SF3B3: variants seen among roughly 807,000 people sequenced by gnomAD.
SF3B3 encodes the protein splicing factor 3b subunit 3, also known as SAP 130.
In SF3B3, 33 loss-of-function variants were observed where a neutral mutation model predicts 139.2. That is an observed-to-expected ratio of 0.24 (90% CI 0.18 to 0.32). The LOEUF is 0.32. Ranked by LOEUF, SF3B3 falls within the 10% of genes least tolerant of loss-of-function variation. SF3B3 has a pLI of 1.00. For synonymous variants in SF3B3, 596 were observed against 563.6 expected, an observed-to-expected ratio of 1.06 and a Z score of -0.81; for missense variants, 818 against 1,509.4, an observed-to-expected ratio of 0.54 and a Z score of 7.59.
In SF3B3 at chr16:70,577,259, G is replaced by A. The variant is rs1164136598; in HGVS notation, c.*5446G>A. ...CCCTGGGAGATCTGGGGGACCTGCT[G>A]TCCTATATGTGATGCTTTGAAAGAA... On this transcript the variant is annotated 3_prime_UTR_variant, in exon 26 of 26. Transcript: ENST00000302516. The A allele has an allele frequency of 6.6e-6, 1 of 152,372 alleles. No individual in the cohort carries two copies. Among genetic ancestry groups the A allele is most frequent in the Non-Finnish European group, 1.5e-5 (1 of 68,168 alleles). The allele number at this position is 152,372 out of a possible 1,614,324, so 9.4% of individuals were successfully genotyped here.
chr16:70,564,116 T>C, intron 18 of SF3B3, 66 bp downstream of exon 18: 1 of 1,461,858 alleles, frequency 6.8e-7, no homozygotes, highest in Non-Finnish European at 9.4e-7. Context: ...AAGTTTAAAC[T>C]GCCCGGCACT....
intron 15 of SF3B3, 46 bp downstream of exon 15, chr16:70,557,075 C>A: frequency 6.5e-7 from 1 of 1,532,750 alleles, no homozygotes; most frequent in Non-Finnish European, 8.8e-7. Flanking sequence ...GCCTTCTGTA[C>A]GTTTCACACA....
intron 3 of SF3B3, among the ~76,000 whole-genome samples, chr16:70,530,186 G>T (rs2050107842): frequency 6.6e-6 from 1 of 151,402 alleles, no homozygotes; most frequent in African/African-American, 2.4e-5. Flanking sequence ...GAGAGATGGG[G>T]ATCTCACAAT....
At position 70,574,132 on chromosome 16, in the gene SF3B3, G is replaced by C. The variant is rs918100369; in HGVS notation, c.*2319G>C. 2.0e-5 allele frequency: 3 copies of C among 152,170 alleles called. No homozygotes were observed. The highest frequency in any genetic ancestry group is 4.4e-5 in the Non-Finnish European group (3 of 68,036). 9.4% of individuals were successfully genotyped at this position (152,170 alleles called of 1,614,324 possible). A position where few individuals can be genotyped will look rare whatever the true frequency, so the allele number is the denominator to read the frequency against. On this transcript the variant is annotated 3_prime_UTR_variant, in exon 26 of 26. Coordinates refer to ENST00000302516, the MANE Select transcript of SF3B3 (RefSeq NM_012426.5). ...GAAAGCCAGAAAGGCATTCAGATGGGATCAGTCTGGCTTTCAAATTTTTTT... is the reference window on the plus strand; with the variant it reads ...GAAAGCCAGAAAGGCATTCAGATGGCATCAGTCTGGCTTTCAAATTTTTTT...
chr16:70,553,728 G>C (rs1424562018), intron 11 of SF3B3, among the ~76,000 whole-genome samples: 1 of 152,176 alleles, frequency 6.6e-6, no homozygotes, highest in African/African-American at 2.4e-5. Flanking sequence ...CAAGTCCTCT[G>C]ACTTCCTTGA....
rs776425014 is a variant in SF3B3, at chr16:70,577,521, G to A, written c.*5708G>A. On this transcript the variant is annotated 3_prime_UTR_variant, in exon 26 of 26. Coordinates refer to ENST00000302516, the MANE Select transcript of SF3B3 (RefSeq NM_012426.5). ...TGGGGACGGGTGAGGAGTTAGCCTG[G>A]AACATTCCAGCGTGGGCATTATTGT... 5 of 152,206 alleles carry A rather than the reference G, an allele frequency of 3.3e-5. No individual in the cohort carries two copies. The highest frequency in any genetic ancestry group is 5.9e-5 in the Non-Finnish European group (4 of 68,080). 9.4% of individuals were successfully genotyped at this position (152,206 alleles called of 1,614,324 possible).
intron 3 of SF3B3, 42 bp from the exon 4 acceptor site, chr16:70,530,703 A>G (rs762581424): frequency 1.6e-5 from 24 of 1,530,866 alleles, no homozygotes; most frequent in Middle Eastern, 1.7e-4. Context: ...CTCTCTTCTC[A>G]TTATCTGGGA....
rs1188092240 is a variant in SF3B3 at position 70,558,201 on chromosome 16, A to G, written c.2010+1172A>G. Among the ~76,000 whole-genome samples the G allele has an allele frequency of 5.3e-5, 8 of 152,168 alleles. No homozygotes were observed. In the East Asian group the frequency reaches 1.2e-3, roughly 22 times the overall value. ...AGAATTAGACCATGCCATCCATTAG[A>G]AATGTAAGGTGAACTACAGGTGTAA... On this transcript the variant is annotated intron_variant, in intron 15 of 25. Coordinates refer to ENST00000302516, the MANE Select transcript of SF3B3 (RefSeq NM_012426.5).
chr16:70,536,884 C>T (rs1453172003), intron 6 of SF3B3, among the ~76,000 whole-genome samples: 2 of 148,538 alleles, frequency 1.3e-5, no homozygotes, highest in African/African-American at 5.0e-5. Flanking sequence ...AATCTTGGCT[C>T]ACTGCATCCT....
Position 70,541,690 on chromosome 16 carries a change from T to C in SF3B3, c.1089T>C (p.His363=). ...CCAGTTACTTATATCAAATTGCACA[T>C]CTTGGAGATGATGATGAAGAACCTG... is the stretch of plus-strand genomic sequence containing the variant. The part of the protein sequence containing the change: ...FGNHYLYQIA[H]LGDDDEEPEF... The change falls in exon 9 of 26, where the codon CAT becomes CAC. Residue 363 remains histidine, a synonymous_variant. Transcript: ENST00000302516. The C allele has an allele frequency of 6.2e-7, 1 of 1,614,068 alleles. No homozygotes were observed. Among genetic ancestry groups the C allele is most frequent in the Non-Finnish European group, 8.5e-7 (1 of 1,179,976 alleles).
intron 9 of SF3B3, among the ~76,000 whole-genome samples, chr16:70,542,884 G>A (rs908294850): frequency 4.0e-5 from 6 of 151,608 alleles, no homozygotes; most frequent in African/African-American, 1.5e-4. Flanking sequence ...ACCATGCCCA[G>A]CTAATTTTTT....
chr16:70,569,062 C>T lies in SF3B3; in HGVS notation c.3185C>T (p.Thr1062Ile), dbSNP rs2050504400. 1 of 1,610,790 alleles carries T rather than the reference C, an allele frequency of 6.2e-7. No homozygotes were observed. Among genetic ancestry groups the T allele is most frequent in the South Asian group, 1.1e-5 (1 of 90,316 alleles). Residue 1062 changes from threonine (T) to isoleucine (I), a missense_variant, in exon 23 of 26, where the codon ACC becomes ATC. This residue lies in a region of SF3B3 where 91 missense variants were observed against 171.8 expected (regional missense o/e 0.53). Coordinates refer to ENST00000302516, the MANE Select transcript of SF3B3 (RefSeq NM_012426.5). ...TTGTAGGTGAGGCTCCCACCTAACA[C>T]CAATGATGAAGTAGATGAGGATCCT... ...NICVVRLPPN[T>I]NDEVDEDPTG... is the part of the protein sequence containing the mutation.
At chr16:70,529,231 C>T (rs1299570899) in intron 3 of SF3B3, 32 bp downstream of exon 3, 2 of 1,552,430 alleles carry the variant, frequency 1.3e-6, no homozygotes, top group Non-Finnish European at 1.8e-6. Context: ...CTGTATATGC[C>T]TAGTTTAGGA....
chr16:70,574,810 A>G lies in SF3B3; in HGVS notation c.*2997A>G, dbSNP rs1237848558. 6.6e-6 allele frequency: 1 copy of G among 152,156 alleles called. No individual in the cohort carries two copies. The highest frequency in any genetic ancestry group is 1.5e-5 in the Non-Finnish European group (1 of 68,014). 9.4% of individuals were successfully genotyped at this position (152,156 alleles called of 1,614,324 possible). Reference sequence around the variant, plus strand: ...GCCCAGCCTCTAAATTCTGTTTTCTATTCAAAGTAAAAATGACATGTGTTT... The same window carrying G: ...GCCCAGCCTCTAAATTCTGTTTTCTGTTCAAAGTAAAAATGACATGTGTTT... On this transcript the variant is annotated 3_prime_UTR_variant, in exon 26 of 26. Transcript: ENST00000302516.
At chr16:70,569,448 A>G (rs989946273) in intron 23 of SF3B3, among the ~76,000 whole-genome samples, 1 of 152,204 alleles carries the variant, frequency 6.6e-6, no homozygotes, top group Non-Finnish European at 1.5e-5. Flanking sequence ...AGACAAGCCT[A>G]GTGATTGCTG....
chr16:70,544,003 G>T (rs2050245447), intron 9 of SF3B3, among the ~76,000 whole-genome samples: 1 of 152,014 alleles, frequency 6.6e-6, no homozygotes, highest in African/African-American at 2.4e-5. Flanking sequence ...ATAGACACAA[G>T]CCACCATACC....
chr16:70,549,193 G>A (rs538849311), intron 11 of SF3B3, among the ~76,000 whole-genome samples: 2 of 152,282 alleles, frequency 1.3e-5, no homozygotes, highest in African/African-American at 4.8e-5. Flanking sequence ...CATCATCCTT[G>A]CTAGCAGACA....
chr16:70,527,266 G>A (rs953294074), intron 2 of SF3B3, among the ~76,000 whole-genome samples: 1 of 152,186 alleles, frequency 6.6e-6, no homozygotes, highest in African/African-American at 2.4e-5. Flanking sequence ...GATGGATTAA[G>A]GCTAGGTTTG....
chr16:70,554,908 ACT>A, intron 12 of SF3B3, 141 bp from the exon 13 acceptor site: 3 of 772,296 alleles, frequency 3.9e-6, no homozygotes, highest in South Asian at 1.9e-5. Flanking sequence ...AGGCCTACTA[ACT>A]CTTTTGTCTT....
Sources: gnomAD v4.1 joint callset for allele counts (sites outside exome capture counted in the v4.1 genomes callset) on GRCh38, gnomAD v4.1.1 for gene constraint, gnomAD v4.1.1 regional missense constraint, MANE v1.5 for transcripts, NCBI Gene and HGNC (gene_info 2026-07-23, HGNC 2026-07-21) for gene names.